AP1AR: variants seen among roughly 807,000 people sequenced by gnomAD.
AP1AR encodes adaptor related protein complex 1 associated regulatory protein, also known as AP-1 complex-associated regulatory protein.
AP1AR carries 29 observed loss-of-function variants against 46.3 expected under a neutral mutation model. That is an observed-to-expected ratio of 0.63 (90% CI 0.47 to 0.85). The LOEUF is 0.85. Among genes scored for constraint, AP1AR ranks in the 40% least tolerant of loss-of-function variants. The pLI, the probability that AP1AR is intolerant of heterozygous loss-of-function variation, is 0.00. For synonymous variants in AP1AR, 122 were observed against 122.9 expected (o/e 0.99, Z 0.05); for missense variants, 357 against 356.3 (o/e 1.00, Z -0.02).
At chr4:112,253,459 T>C (rs1726049240) in intron 2 of AP1AR, 1 of 533,696 alleles carries the variant, frequency 1.9e-6, no homozygotes, top group Non-Finnish European at 3.2e-6. Flanking sequence ...ATTATGGTTC[T>C]GTTTTTCTAA....
At chr4:112,255,171 G>A (rs983173031) in intron 3 of AP1AR, among the ~76,000 whole-genome samples, 3 of 151,992 alleles carry the variant, frequency 2.0e-5, no homozygotes, top group African/African-American at 7.2e-5. Flanking sequence ...ATGTTAGCCA[G>A]GATGGTCTCG....
At chr4:112,262,919 C>A in intron 5 of AP1AR, 69 bp from the exon 6 acceptor site, 1 of 952,698 alleles carries the variant, frequency 1.0e-6, no homozygotes, top group Non-Finnish European at 1.7e-6. Context: ...TAAATAGAAG[C>A]ATTTTATTTT....
intron 1 of AP1AR, among the ~76,000 whole-genome samples, chr4:112,235,894 C>T (rs537835906): frequency 8.5e-5 from 13 of 152,158 alleles, no homozygotes; most frequent in East Asian, 1.9e-4. Context: ...TGAAACTATG[C>T]GCTTGACTTC....
chr4:112,255,878 C>T (rs973182914), intron 3 of AP1AR, among the ~76,000 whole-genome samples: 2 of 152,224 alleles, frequency 1.3e-5, no homozygotes, highest in Non-Finnish European at 2.9e-5. Flanking sequence ...TAATTTGCAA[C>T]TTCACTAAAT....
At chr4:112,241,555 G>A (rs1392189415) in intron 1 of AP1AR, among the ~76,000 whole-genome samples, 1 of 152,124 alleles carries the variant, frequency 6.6e-6, no homozygotes, top group Non-Finnish European at 1.5e-5. Context: ...ATTAAATGAT[G>A]GCAACCCACC....
At chr4:112,236,096 A>T (rs933710318) in intron 1 of AP1AR, among the ~76,000 whole-genome samples, 4 of 151,626 alleles carry the variant, frequency 2.6e-5, no homozygotes, top group African/African-American at 9.7e-5. Context: ...CTGCTTGTAG[A>T]TCTTTTCAGT....
chr4:112,266,250 T>C (rs1411389243), intron 8 of AP1AR, among the ~76,000 whole-genome samples: 4 of 151,824 alleles, frequency 2.6e-5, no homozygotes, highest in Non-Finnish European at 5.9e-5. Context: ...TTTGAAAATA[T>C]AGGTTGCTTT....
chr4:112,267,316 A>T (rs908770602), intron 9 of AP1AR, among the ~76,000 whole-genome samples: 4 of 151,948 alleles, frequency 2.6e-5, no homozygotes, highest in East Asian at 1.9e-4. Context: ...TCTGTTACCA[A>T]TGTTGATTCT....
rs568973796 is a variant in AP1AR at position 112,265,818 on chromosome 4, T to A, written c.514+11T>A. 15 of 1,572,010 alleles carry A rather than the reference T, an allele frequency of 9.5e-6. No individual in the cohort carries two copies. Among genetic ancestry groups the A allele is most frequent in the Admixed American group, 1.7e-5 (1 of 58,888 alleles). On this transcript the variant is annotated intron_variant, in intron 8 of 9. Coordinates refer to ENST00000274000, the MANE Select transcript of AP1AR (RefSeq NM_018569.6). ...TTTTTCGAAGTAGTAGTAAGTTTTT[T>A]AAAGTATTTTCTGTACTTTTTATGC... is the stretch of plus-strand genomic sequence containing the variant.
Position 112,232,145 on chromosome 4 carries a change from G to A in AP1AR, c.54G>A (p.Gly18=), listed in dbSNP as rs1725031712. The A allele has an allele frequency of 4.7e-6, 6 of 1,282,490 alleles. No individual in the cohort carries two copies. Among genetic ancestry groups the A allele is most frequent in the East Asian group, 3.1e-5 (1 of 32,070 alleles). The allele number at this position is 1,282,490 out of a possible 1,614,324, so 79.4% of individuals were successfully genotyped here. Residue 18 remains glycine, a synonymous_variant, in exon 1 of 10, where the codon GGG becomes GGA. Coordinates refer to ENST00000274000, the MANE Select transcript of AP1AR (RefSeq NM_018569.6). ...QCFGLLRKEA[G]RLQRVGGGGG... ...TCGGACTGCTTCGCAAGGAAGCGGG[G>A]CGGCTGCAGCGAGTAGGCGGCGGCG...
intron 2 of AP1AR, 162 bp downstream of exon 2, chr4:112,253,418 G>T (rs1015920579): frequency 2.3e-5 from 14 of 605,368 alleles, no homozygotes; most frequent in African/African-American, 5.8e-5. Context: ...AGCAGTGAGG[G>T]AAGGAATGAG....
chr4:112,270,096 C>A lies in AP1AR; in HGVS notation c.*1687C>A, dbSNP rs142624002. The A allele has an allele frequency of 1.0e-4, 16 of 152,566 alleles. No individual in the cohort carries two copies. In the East Asian group the frequency reaches 2.7e-3, roughly 26 times the overall value. 9.5% of individuals were successfully genotyped at this position (152,566 alleles called of 1,614,324 possible). A position where few individuals can be genotyped will look rare whatever the true frequency, so the allele number is the denominator to read the frequency against. The stretch of plus-strand genomic sequence containing the variant: ...TTATTGGTTTTACTCCATAAACATG[C>A]AGGTATTCTGATTCCTGACTTGTAA... On this transcript the variant is annotated 3_prime_UTR_variant, in exon 10 of 10. Coordinates refer to ENST00000274000, the MANE Select transcript of AP1AR (RefSeq NM_018569.6).
chr4:112,261,291 G>A (rs945110759), intron 5 of AP1AR, among the ~76,000 whole-genome samples: 10 of 152,108 alleles, frequency 6.6e-5, no homozygotes, highest in Admixed American at 6.5e-4. Context: ...AATTAGCTTG[G>A]TATGGTGGTG....
At chr4:112,233,581 C>T (rs1360341452) in intron 1 of AP1AR, among the ~76,000 whole-genome samples, 1 of 152,240 alleles carries the variant, frequency 6.6e-6, no homozygotes, top group Non-Finnish European at 1.5e-5. Context: ...GCGTTAAATT[C>T]TAACTCCAAG....
chr4:112,251,154 A>G (rs1434674237), intron 1 of AP1AR, among the ~76,000 whole-genome samples: 2 of 152,144 alleles, frequency 1.3e-5, no homozygotes, highest in East Asian at 3.9e-4. Flanking sequence ...TCAGAAGGAT[A>G]TTGTCTCTCC....
chr4:112,232,209 GCTC>G (rs755431394), intron 1 of AP1AR, 35 bp downstream of exon 1: 120 of 1,262,316 alleles, frequency 9.5e-5, no homozygotes, highest in Non-Finnish European at 1.2e-4. Context: ...GGCCCCCGTG[GCTC>G]CTCCTCTTCG....
intron 5 of AP1AR, 22 bp downstream of exon 5, chr4:112,260,884 T>C (rs976679595): frequency 7.1e-7 from 1 of 1,402,312 alleles, no homozygotes; most frequent in Admixed American, 1.9e-5. Flanking sequence ...TTTATATTGC[T>C]TAAGTACATG....
intron 1 of AP1AR, among the ~76,000 whole-genome samples, chr4:112,235,316 AT>A (rs750188844): frequency 2.0e-5 from 3 of 152,144 alleles, no homozygotes; most frequent in Non-Finnish European, 2.9e-5. Context: ...TTTAATTCCT[AT>A]TTCTATATTA....
intron 1 of AP1AR, among the ~76,000 whole-genome samples, chr4:112,242,655 C>T (rs1325678984): frequency 6.6e-6 from 1 of 152,126 alleles, no homozygotes; most frequent in Non-Finnish European, 1.5e-5. Context: ...GGAACTCACT[C>T]ATAACCATGA....
Sources: allele counts gnomAD v4.1 joint callset (sites outside exome capture counted in the v4.1 genomes callset), GRCh38; gene constraint gnomAD v4.1.1; transcripts MANE v1.5; gene names NCBI Gene and HGNC (gene_info 2026-07-23, HGNC 2026-07-21).